The following COL4A1 variants were observed in gnomAD, a reference collection of about 807,000 sequenced individuals.
COL4A1 encodes the protein collagen type IV alpha 1 chain, also known as collagen alpha-1(IV) chain.
In COL4A1, 40 loss-of-function variants were observed where a neutral mutation model predicts 216.6. The observed-to-expected ratio is 0.18, with a 90% CI of 0.14 to 0.24. The LOEUF (loss-of-function observed/expected upper bound fraction) is 0.24, where lower values mean the gene tolerates loss of function less well. Among genes scored for constraint, COL4A1 ranks in the 10% least tolerant of loss-of-function variants. COL4A1 has a pLI of 1.00. For missense variants in COL4A1, 1,628 were observed against 2,196.8 expected (o/e 0.74, Z 5.18); for synonymous variants, 839 against 810.7 (o/e 1.03, Z -0.59).
chr13:110,226,809 GT>G (rs958671244), intron 2 of COL4A1, among the ~76,000 whole-genome samples: 19 of 152,154 alleles, frequency 1.2e-4, no homozygotes, highest in African/African-American at 4.3e-4. Flanking sequence ...ACATCTTGAA[GT>G]TTTTTCTTTT....
At chr13:110,200,419 T>A (rs1879132919) in intron 20 of COL4A1, among the ~76,000 whole-genome samples, 1 of 152,160 alleles carries the variant, frequency 6.6e-6, no homozygotes, top group Non-Finnish European at 1.5e-5. Flanking sequence ...GGTTTTGTCC[T>A]GGAGTCTGAT....
intron 50 of COL4A1, 94 bp downstream of exon 50, chr13:110,155,189 G>T: frequency 1.1e-6 from 1 of 891,010 alleles, no homozygotes; most frequent in South Asian, 1.3e-5. Context: ...GCGAGATGCA[G>T]AGAACTCCAA....
intron 24 of COL4A1, chr13:110,190,997 T>C (rs533637190): frequency 6.6e-6 from 1 of 152,388 alleles, no homozygotes; most frequent in East Asian, 1.9e-4. Flanking sequence ...GATGAAGCGG[T>C]GCATAGAGGT....
At chr13:110,291,687 A>C (rs893673117) in intron 1 of COL4A1, among the ~76,000 whole-genome samples, 4 of 152,068 alleles carry the variant, frequency 2.6e-5, no homozygotes, top group African/African-American at 9.7e-5. Context: ...TCACAGAAAC[A>C]CCTCTCCTGT....
rs531912725 is a variant in COL4A1, at chr13:110,174,853, A to C, written c.3199-104T>G. ...TACATTTTGGTGCAATGAATATTGC[A>C]TTGCAAAACTCCATTTCCAGATTTC... is the stretch of plus-strand genomic sequence containing the variant. On this transcript the variant is annotated intron_variant, in intron 37 of 51. Coordinates refer to ENST00000375820, the MANE Select transcript of COL4A1 (RefSeq NM_001845.6). The C allele has an allele frequency of 8.2e-6, 9 of 1,099,794 alleles. No homozygotes were observed. The African/African-American group carries it at 1.4e-4, about 17-fold the overall frequency. The allele number at this position is 1,099,794 out of a possible 1,614,324, so 68.1% of individuals were successfully genotyped here. A position where few individuals can be genotyped will look rare whatever the true frequency, so the allele number is the denominator to read the frequency against.
At chr13:110,262,621 G>A (rs1882874744) in intron 1 of COL4A1, among the ~76,000 whole-genome samples, 1 of 152,272 alleles carries the variant, frequency 6.6e-6, no homozygotes, top group Middle Eastern at 3.4e-3. Flanking sequence ...TACTGTACAA[G>A]AAGAGGAAGC....
rs1224467293 is a variant in COL4A1 at position 110,268,611 on chromosome 13, G to A, written c.85-25877C>T. On this transcript the variant is annotated intron_variant, in intron 1 of 51. Coordinates refer to ENST00000375820, the MANE Select transcript of COL4A1 (RefSeq NM_001845.6). This position sits in a 1 kb window ranked among gnomAD's most constrained non-coding sequence, Gnocchi z 4.1. ...TTGAGCTTCAAGCCTCAGTTAAAATGCTGGCCGTGCCACTGTGCTCTGCTG... is the reference window on the plus strand; with the variant it reads ...TTGAGCTTCAAGCCTCAGTTAAAATACTGGCCGTGCCACTGTGCTCTGCTG... 6.6e-6 allele frequency among the ~76,000 whole-genome samples: 1 copy of A among 152,228 alleles called. No homozygotes were observed. The highest frequency in any genetic ancestry group is 1.9e-4 in the East Asian group (1 of 5,200).
chr13:110,264,269 T>A (rs1281952401), intron 1 of COL4A1, among the ~76,000 whole-genome samples: 1 of 152,214 alleles, frequency 6.6e-6, no homozygotes, highest in Non-Finnish European at 1.5e-5. Context: ...GCAGACCTCA[T>A]AAAATGTGTA....
intron 1 of COL4A1, among the ~76,000 whole-genome samples, chr13:110,269,360 T>C (rs1165493776): frequency 6.6e-6 from 1 of 152,112 alleles, no homozygotes. Flanking sequence ...TCCTACGACA[T>C]AGAGAGAACA....
chr13:110,156,060 C>G (rs982824180), intron 49 of COL4A1, among the ~76,000 whole-genome samples: 2 of 152,162 alleles, frequency 1.3e-5, no homozygotes, highest in Non-Finnish European at 2.9e-5. Flanking sequence ...GGCAACATAG[C>G]GAGACCTGCC....
intron 2 of COL4A1, among the ~76,000 whole-genome samples, chr13:110,224,705 T>C (rs1427591420): frequency 5.9e-5 from 9 of 152,236 alleles, no homozygotes; most frequent in African/African-American, 9.6e-5. Flanking sequence ...AGACATGTTC[T>C]ACATTAACAG....
chr13:110,289,313 C>T (rs1041654794), intron 1 of COL4A1, among the ~76,000 whole-genome samples: 4 of 152,124 alleles, frequency 2.6e-5, no homozygotes, highest in African/African-American at 9.7e-5. Context: ...CATCCACTGC[C>T]GCGACCAAGA....
intron 26 of COL4A1, among the ~76,000 whole-genome samples, chr13:110,185,763 C>T (rs1388238090): frequency 6.6e-6 from 1 of 152,180 alleles, no homozygotes; most frequent in Non-Finnish European, 1.5e-5. Context: ...AGGAGAACGA[C>T]GAGGGAGCCC....
At chr13:110,277,301 T>C (rs1883467911) in intron 1 of COL4A1, among the ~76,000 whole-genome samples, 1 of 152,232 alleles carries the variant, frequency 6.6e-6, no homozygotes, top group African/African-American at 2.4e-5. Context: ...GGCAAACATG[T>C]CATTTAAAAA....
rs775496475 is a variant in COL4A1, at chr13:110,213,985, C to T, written c.175G>A (p.Val59Ile). The change falls in exon 3 of 52, where the codon GTC becomes ATC. Residue 59 changes from valine to isoleucine, a missense_variant. Physicochemically the swap from Val to Ile is conservative, Grantham distance 29. This residue lies in a region of COL4A1 where 150 missense variants were observed against 211.9 expected (regional missense o/e 0.71). Transcript: ENST00000375820. ...GERGLPGLQG[V>I]IGFPGMQGPE... ...CCTTGCATTCCAGGAAACCCAATGACACCTTGTAACCCCGGGAGGCCTCTT... is the reference window on the plus strand; with the variant it reads ...CCTTGCATTCCAGGAAACCCAATGATACCTTGTAACCCCGGGAGGCCTCTT... The T allele has an allele frequency of 1.9e-5, 31 of 1,613,962 alleles. No individual in the cohort carries two copies. Among genetic ancestry groups the T allele is most frequent in the African/African-American group, 2.7e-5 (2 of 74,860 alleles).
intron 1 of COL4A1, among the ~76,000 whole-genome samples, chr13:110,273,753 G>A (rs1010948360): frequency 6.6e-6 from 1 of 152,202 alleles, no homozygotes; most frequent in Admixed American, 6.5e-5. Flanking sequence ...ACTGACCCCA[G>A]TGTCCATCAG....
intron 24 of COL4A1, chr13:110,191,517 T>G (rs1878624400): frequency 9.9e-6 from 5 of 507,362 alleles, no homozygotes; most frequent in Non-Finnish European, 6.9e-6. Context: ...AATTCAAGAT[T>G]ATTATTATGC....
intron 1 of COL4A1, among the ~76,000 whole-genome samples, chr13:110,257,439 A>G (rs372154647): frequency 6.6e-6 from 1 of 152,252 alleles, no homozygotes; most frequent in East Asian, 1.9e-4. Context: ...TACTCTGCAA[A>G]CCGTAAGTGC....
intron 28 of COL4A1, among the ~76,000 whole-genome samples, chr13:110,182,361 G>A (rs755608583): frequency 3.9e-5 from 6 of 152,180 alleles, no homozygotes; most frequent in South Asian, 2.1e-4. Context: ...GTGTGGCTGC[G>A]TGGTGTGTTG....
Sources: gnomAD v4.1 joint callset for allele counts (sites outside exome capture counted in the v4.1 genomes callset) on GRCh38, gnomAD v4.1.1 for gene constraint, gnomAD v4.1.1 regional missense constraint, Gnocchi (gnomAD v3.1) non-coding constraint, MANE v1.5 for transcripts, NCBI Gene and HGNC (gene_info 2026-07-23, HGNC 2026-07-21) for gene names.